Variants in CDH12 observed in about 807,000 individuals in gnomAD.
The protein encoded by CDH12 is cadherin 12.
CDH12 carries 41 observed loss-of-function variants against 74.1 expected under a neutral mutation model. That is an observed-to-expected ratio of 0.55 (90% CI 0.43 to 0.72). The LOEUF is 0.72. Among genes scored for constraint, CDH12 ranks in the 30% least tolerant of loss-of-function variants. The pLI, the probability that CDH12 is intolerant of heterozygous loss-of-function variation, is 0.00. For synonymous variants in CDH12, 399 were observed against 355.0 expected (o/e 1.12, Z -1.39); for missense variants, 945 against 977.2 (o/e 0.97, Z 0.44).
chr5:21,800,768 G>A (rs1026972112), intron 10 of CDH12, among the ~76,000 whole-genome samples: 1 of 152,168 alleles, frequency 6.6e-6, no homozygotes, highest in African/African-American at 2.4e-5. Flanking sequence ...GGGAGTGGGG[G>A]TGGTTCCCCC....
intron 3 of CDH12, among the ~76,000 whole-genome samples, chr5:22,278,649 C>A (rs1736743131): frequency 6.6e-6 from 1 of 151,954 alleles, no homozygotes; most frequent in East Asian, 1.9e-4. Flanking sequence ...CCGTGATATA[C>A]ATATTAATTA....
intron 3 of CDH12, among the ~76,000 whole-genome samples, chr5:22,214,011 A>G (rs1191024814): frequency 6.6e-6 from 1 of 151,938 alleles, no homozygotes; most frequent in East Asian, 1.9e-4. Flanking sequence ...ATATTTATAT[A>G]TATCTTAGAA....
intron 1 of CDH12, among the ~76,000 whole-genome samples, chr5:22,689,293 C>T (rs1741963898): frequency 6.6e-6 from 1 of 152,076 alleles, no homozygotes; most frequent in Non-Finnish European, 1.5e-5. Context: ...GCTTAATTTG[C>T]ACCAACATTG....
At chr5:22,081,158 A>G (rs1049346617) in intron 4 of CDH12, among the ~76,000 whole-genome samples, 1 of 152,172 alleles carries the variant, frequency 6.6e-6, no homozygotes, top group Admixed American at 6.6e-5. Context: ...ATTATTTTCA[A>G]TTGGACAGCA....
intron 4 of CDH12, among the ~76,000 whole-genome samples, chr5:22,095,201 T>C (rs1743681336): frequency 6.6e-6 from 1 of 152,118 alleles, no homozygotes; most frequent in Non-Finnish European, 1.5e-5. Context: ...CTCACCAATT[T>C]TAAATCAGGT....
intron 3 of CDH12, among the ~76,000 whole-genome samples, chr5:22,329,080 C>T (rs1054466241): frequency 4.6e-5 from 7 of 152,102 alleles, no homozygotes; most frequent in African/African-American, 1.7e-4. Context: ...TAATATATTA[C>T]AGGCTCAGTG....
chr5:22,194,794 C>T (rs557079226), intron 4 of CDH12, among the ~76,000 whole-genome samples: 1 of 152,292 alleles, frequency 6.6e-6, no homozygotes, highest in Middle Eastern at 3.4e-3. Context: ...GCAATGGGGA[C>T]CACGGGCATA....
chr5:21,927,220 A>G (rs1326955031), intron 6 of CDH12, among the ~76,000 whole-genome samples: 1 of 152,230 alleles, frequency 6.6e-6, no homozygotes, highest in Admixed American at 6.5e-5. Flanking sequence ...ATAACAATTA[A>G]CCATGACATT....
intron 5 of CDH12, among the ~76,000 whole-genome samples, chr5:22,000,339 T>C (rs1000963013): frequency 6.6e-6 from 1 of 152,162 alleles, no homozygotes; most frequent in Non-Finnish European, 1.5e-5. Flanking sequence ...TATCTATGTG[T>C]ACTAGGAAAA....
chr5:22,555,698 A>C (rs1738772855), intron 1 of CDH12, among the ~76,000 whole-genome samples: 1 of 152,044 alleles, frequency 6.6e-6, no homozygotes, highest in African/African-American at 2.4e-5. Context: ...TGTGTGCTTT[A>C]GACCTATTTT....
chr5:22,756,111 A>G lies in CDH12; in HGVS notation c.-523+96947T>C, dbSNP rs146313882. Among the ~76,000 whole-genome samples, 1,319 of 151,224 alleles carry G rather than the reference A, an allele frequency of 8.7e-3. 23 individuals carry two copies. Among genetic ancestry groups the G allele is most frequent in the African/African-American group, 0.03 (1,253 of 41,348 alleles). On this transcript the variant is annotated intron_variant, in intron 1 of 14. Coordinates refer to ENST00000382254, the MANE Select transcript of CDH12 (RefSeq NM_004061.5). ...ACTTCAAGGACCGAAAAAAAAAAAA[A>G]AAAAAAAAGAAAGAAAGAAAAGAAA...
rs1287733504 is a variant in CDH12 at position 21,942,365 on chromosome 5, C to T, written c.526+32726G>A. On this transcript the variant is annotated intron_variant, in intron 6 of 14. Coordinates refer to ENST00000382254, the MANE Select transcript of CDH12 (RefSeq NM_004061.5). ...ATATATATACACACACACACACACACACACACACACACACACACACACACA... is the reference window on the plus strand; with the variant it reads ...ATATATATACACACACACACACACATACACACACACACACACACACACACA... Among the ~76,000 whole-genome samples, 409 of 135,578 alleles carry T rather than the reference C, an allele frequency of 3.0e-3. 7 individuals are homozygous for T. The highest frequency in any genetic ancestry group is 0.011 in the African/African-American group (331 of 28,958). The allele number at this position is 135,578 out of a possible 152,430, so 88.9% of individuals were successfully genotyped here.
chr5:22,177,717 C>A (rs1749416936), intron 4 of CDH12, among the ~76,000 whole-genome samples: 1 of 151,994 alleles, frequency 6.6e-6, no homozygotes, highest in Non-Finnish European at 1.5e-5. Flanking sequence ...GGAGAGCCAC[C>A]CACCTATCAC....
intron 1 of CDH12, among the ~76,000 whole-genome samples, chr5:22,725,036 G>T (rs1002668271): frequency 2.6e-5 from 4 of 151,842 alleles, no homozygotes; most frequent in Middle Eastern, 3.4e-3. Flanking sequence ...TCTTTGAGGT[G>T]ATTCTTATAG....
intron 3 of CDH12, among the ~76,000 whole-genome samples, chr5:22,382,501 G>T (rs1425520500): frequency 6.6e-6 from 1 of 151,642 alleles, no homozygotes; most frequent in Non-Finnish European, 1.5e-5. Flanking sequence ...GCCATTTCAA[G>T]ACTTAGATTT....
At chr5:22,059,906 T>G (rs946941924) in intron 5 of CDH12, among the ~76,000 whole-genome samples, 1 of 152,176 alleles carries the variant, frequency 6.6e-6, no homozygotes, top group Non-Finnish European at 1.5e-5. Context: ...ACAATTATTA[T>G]TATCCAGTGG....
rs1371962073 is a variant in CDH12, at chr5:21,996,003, C to T, written c.232-20618G>A. 6.0e-5 allele frequency among the ~76,000 whole-genome samples: 9 copies of T among 151,092 alleles called. 1 individual carries two copies. Among genetic ancestry groups the T allele is most frequent in the Non-Finnish European group, 8.8e-5 (6 of 67,922 alleles). On this transcript the variant is annotated intron_variant, in intron 5 of 14. Transcript: ENST00000382254. Reference sequence around the variant, plus strand: ...ATAACATTTGTTGGTTCTGAGTACACGTTGGTGCTAATGAAGCTTGAAATT... The same window carrying T: ...ATAACATTTGTTGGTTCTGAGTACATGTTGGTGCTAATGAAGCTTGAAATT...
At chr5:21,818,537 C>G (rs10060757) in intron 8 of CDH12, among the ~76,000 whole-genome samples, 1 of 151,586 alleles carries the variant, frequency 6.6e-6, no homozygotes, top group Admixed American at 6.6e-5. Flanking sequence ...CCTCCTTCCC[C>G]CAGAAAATGG....
intron 6 of CDH12, among the ~76,000 whole-genome samples, chr5:21,859,140 C>T (rs1030264050): frequency 1.3e-5 from 2 of 151,808 alleles, no homozygotes; most frequent in African/African-American, 4.8e-5. Context: ...ACTCAGTTTC[C>T]CCTAACCACC....
Sources: gnomAD v4.1 joint callset for allele counts (sites outside exome capture counted in the v4.1 genomes callset) on GRCh38, gnomAD v4.1.1 for gene constraint, MANE v1.5 for transcripts, NCBI Gene and HGNC (gene_info 2026-07-23, HGNC 2026-07-21) for gene names.